The following ENTREP2 variants were observed in gnomAD, a reference collection of about 807,000 sequenced individuals.
ENTREP2 encodes the protein endosomal transmembrane epsin interactor 2.
the ENTREP2 span, among the ~76,000 whole-genome samples, chr15:29,643,475 A>G: frequency 6.6e-6 from 1 of 151,820 alleles, no homozygotes; most frequent in Non-Finnish European, 1.5e-5. Flanking sequence ...TACAAGTGAT[A>G]ACAAGCATCA....
chr15:29,124,584 G>A, the ENTREP2 span: 17 of 944,798 alleles, frequency 1.8e-5, no homozygotes, highest in Middle Eastern at 2.9e-4. Context: ...CCGGGGGTGG[G>A]GTGAGGAGCT....
chr15:29,425,204 T>TTG, the ENTREP2 span, among the ~76,000 whole-genome samples: 1 of 151,024 alleles, frequency 6.6e-6, no homozygotes, highest in Admixed American at 6.6e-5. Flanking sequence ...TTTTTGTTTT[T>TTG]TTTTTTGTAT....
At chr15:29,377,605 C>T in the ENTREP2 span, among the ~76,000 whole-genome samples, 8 of 152,010 alleles carry the variant, frequency 5.3e-5, no homozygotes, top group East Asian at 1.4e-3. Context: ...GGGCGGATCA[C>T]GAGATCAGGA....
chr15:29,654,942 T>A, the ENTREP2 span, among the ~76,000 whole-genome samples: 2 of 152,200 alleles, frequency 1.3e-5, no homozygotes, highest in Admixed American at 1.3e-4. Flanking sequence ...TGGCTTGAGT[T>A]TGACAAAAGG....
the ENTREP2 span, among the ~76,000 whole-genome samples, chr15:29,245,343 A>G: frequency 6.6e-6 from 1 of 152,194 alleles, no homozygotes; most frequent in Non-Finnish European, 1.5e-5. Context: ...ACACATAAAT[A>G]TTTAAAAAAT....
At chr15:29,130,010 A>C in the ENTREP2 span, among the ~76,000 whole-genome samples, 6 of 152,002 alleles carry the variant, frequency 3.9e-5, no homozygotes, top group African/African-American at 1.5e-4. Context: ...AGGTAATTAC[A>C]TTTCTGCCTC....
the ENTREP2 span, among the ~76,000 whole-genome samples, chr15:29,344,650 G>A: frequency 1.3e-5 from 2 of 152,090 alleles, no homozygotes; most frequent in Admixed American, 1.3e-4. Flanking sequence ...CACACCAGAG[G>A]TGGAGTGGGG....
At chr15:29,575,993 T>A in the ENTREP2 span, among the ~76,000 whole-genome samples, 27 of 152,258 alleles carry the variant, frequency 1.8e-4, no homozygotes, top group African/African-American at 6.5e-4. Flanking sequence ...ATCTTCAAAA[T>A]CATATGGAAT....
the ENTREP2 span, chr15:29,124,795 A>G: frequency 6.6e-7 from 1 of 1,522,806 alleles, no homozygotes; most frequent in Non-Finnish European, 8.9e-7. Context: ...GAACACATGA[A>G]AGGAAAAAGG....
the ENTREP2 span, among the ~76,000 whole-genome samples, chr15:29,292,220 G>T: frequency 6.6e-6 from 1 of 152,078 alleles, no homozygotes; most frequent in Non-Finnish European, 1.5e-5. Flanking sequence ...TCACTGACAG[G>T]CTTCAGTACA....
At chr15:29,175,681 A>G in the ENTREP2 span, among the ~76,000 whole-genome samples, 4 of 152,124 alleles carry the variant, frequency 2.6e-5, no homozygotes, top group African/African-American at 9.7e-5. Context: ...CTCGGCTCAC[A>G]GCAACCTCCA....
At chr15:29,252,339 T>A in the ENTREP2 span, 1 of 1,367,746 alleles carries the variant, frequency 7.3e-7, no homozygotes, top group Non-Finnish European at 1.0e-6. Flanking sequence ...CTATGACCTT[T>A]ATGAAAGGGT....
the ENTREP2 span, among the ~76,000 whole-genome samples, chr15:29,591,250 C>G: frequency 6.6e-6 from 1 of 152,300 alleles, no homozygotes; most frequent in Non-Finnish European, 1.5e-5. Context: ...TTTTAAAGAA[C>G]TCACTCAATT....
At chr15:29,167,961 G>A in the ENTREP2 span, among the ~76,000 whole-genome samples, 1 of 152,018 alleles carries the variant, frequency 6.6e-6, no homozygotes, top group African/African-American at 2.4e-5. Context: ...AGGAACGGTG[G>A]TATATATATA....
the ENTREP2 span, among the ~76,000 whole-genome samples, chr15:29,536,603 CAAA>C: frequency 8.1e-5 from 6 of 74,188 alleles, no homozygotes; most frequent in Admixed American, 1.6e-4. Context: ...GACTCTGTCT[CAAA>C]AAAAAAAAAA....
chr15:29,204,548 G>C, the ENTREP2 span, among the ~76,000 whole-genome samples: 1 of 152,104 alleles, frequency 6.6e-6, no homozygotes, highest in African/African-American at 2.4e-5. Flanking sequence ...CAGCACGGGT[G>C]ACAGAGTCAG....
the ENTREP2 span, among the ~76,000 whole-genome samples, chr15:29,519,957 G>A: frequency 6.6e-6 from 1 of 151,728 alleles, no homozygotes; most frequent in South Asian, 2.1e-4. Context: ...TACCCACCCT[G>A]CACCTTGTGA....
At chr15:29,533,596 C>T in the ENTREP2 span, among the ~76,000 whole-genome samples, 1 of 152,128 alleles carries the variant, frequency 6.6e-6, no homozygotes, top group South Asian at 2.1e-4. Context: ...GAAAATTTGG[C>T]AAACGGTCCA....
the ENTREP2 span, among the ~76,000 whole-genome samples, chr15:29,474,874 G>T: frequency 2.0e-5 from 3 of 152,064 alleles, no homozygotes; most frequent in Non-Finnish European, 4.4e-5. Context: ...TTTCTTCGGG[G>T]GATCTTTTGT....
Sources: allele counts gnomAD v4.1 joint callset (sites outside exome capture counted in the v4.1 genomes callset), GRCh38; gene constraint gnomAD v4.1.1; transcripts MANE v1.5; gene names NCBI Gene and HGNC (gene_info 2026-07-23, HGNC 2026-07-21).